Variants in ZNF626 observed in about 807,000 individuals in gnomAD.
ZNF626 encodes zinc finger protein 626, also known as CTC-513N18.7.
ZNF626 carries 4 observed loss-of-function variants against 11.7 expected under a neutral mutation model. That is an observed-to-expected ratio of 0.34 (90% CI 0.17 to 0.78). The LOEUF (loss-of-function observed/expected upper bound fraction) is 0.78. Among genes scored for constraint, ZNF626 ranks in the 30% least tolerant of loss-of-function variants. ZNF626 has a pLI of 0.57. For missense variants in ZNF626, 588 were observed against 587.1 expected (o/e 1.00, Z -0.01); for synonymous variants, 179 against 198.6 (o/e 0.90, Z 0.83).
In ZNF626 at chr19:20,624,297, A is replaced by T. The variant is rs1331631380; in HGVS notation, c.1580T>A (p.Ile527Lys). Reference sequence around the variant, plus strand: ...ATTTCTCTCCAGTATGAATTATCTTATGTGTAGTAAGGTGTGAGGACCGCT... The same window carrying T: ...ATTTCTCTCCAGTATGAATTATCTTTTGTGTAGTAAGGTGTGAGGACCGCT... ...PSSGPHTLLH[I>K]R The change falls in exon 4 of 4, where the codon ATA (isoleucine) becomes AAA (lysine). Residue 527 changes from isoleucine (I) to lysine (K), a missense_variant. This residue lies in a region of ZNF626 where 43 missense variants were observed against 38.0 expected (regional missense o/e 1.13). Coordinates refer to ENST00000601440, the MANE Select transcript of ZNF626 (RefSeq NM_001076675.3). The T allele has an allele frequency of 5.0e-6, 8 of 1,613,762 alleles. No homozygotes were observed. Among genetic ancestry groups the T allele is most frequent in the Middle Eastern group, 1.6e-4 (1 of 6,078 alleles).
At chr19:20,626,545 C>G (rs138618727) in intron 3 of ZNF626, among the ~76,000 whole-genome samples, 11 of 152,190 alleles carry the variant, frequency 7.2e-5, no homozygotes, top group African/African-American at 2.2e-4. Flanking sequence ...TGGTGAAACC[C>G]TGTATCTACT....
intron 1 of ZNF626, among the ~76,000 whole-genome samples, chr19:20,658,250 G>T (rs1970226447): frequency 6.6e-6 from 1 of 152,196 alleles, no homozygotes; most frequent in African/African-American, 2.4e-5. Context: ...ATAACCGGGA[G>T]GTCCAGAACC....
chr19:20,661,566 A>C lies in ZNF626; in HGVS notation c.-120T>G. On this transcript the variant is annotated 5_prime_UTR_variant, in exon 1 of 4. Transcript: ENST00000601440. ...CAGACCTGGAGCTCTGACTGCAGCG[A>C]GAGACAAAGGCCGCACCAAACCCGG... The C allele has an allele frequency of 8.3e-7, 1 of 1,204,372 alleles. No individual in the cohort carries two copies. The highest frequency in any genetic ancestry group is 1.2e-6 in the Non-Finnish European group (1 of 839,724). The allele number at this position is 1,204,372 out of a possible 1,614,324, so 74.6% of individuals were successfully genotyped here.
At chr19:20,656,370 T>C (rs947543189) in intron 1 of ZNF626, among the ~76,000 whole-genome samples, 1 of 152,022 alleles carries the variant, frequency 6.6e-6, no homozygotes, top group Non-Finnish European at 1.5e-5. Context: ...ATTCTAGATA[T>C]AGACACTGGC....
intron 1 of ZNF626, among the ~76,000 whole-genome samples, chr19:20,657,789 GAACA>G (rs111945400): frequency 0.073 from 11,047 of 151,646 alleles, 1,118 homozygotes; most frequent in African/African-American, 0.23. Context: ...TGGGCAACAA[GAACA>G]AAAATCCATC....
At chr19:20,660,243 TAAAAAAAAAA>T (rs35231346) in intron 1 of ZNF626, among the ~76,000 whole-genome samples, 3 of 104,888 alleles carry the variant, frequency 2.9e-5, no homozygotes, top group Admixed American at 1.1e-4. Flanking sequence ...ACACTGTGTC[TAAAAAAAAAA>T]AAAAAAAAAA....
At chr19:20,629,838 G>A (rs1379515615) in intron 3 of ZNF626, among the ~76,000 whole-genome samples, 6 of 152,092 alleles carry the variant, frequency 3.9e-5, no homozygotes, top group East Asian at 1.9e-4. Flanking sequence ...GGTGAGAGAG[G>A]GCATCCCTGT....
Position 20,625,178 on chromosome 19 carries a change from T to G in ZNF626, c.699A>C (p.Glu233Asp), listed in dbSNP as rs571920861. 3.7e-6 allele frequency: 6 copies of G among 1,613,256 alleles called. No individual in the cohort carries two copies. The highest frequency in any genetic ancestry group is 5.1e-6 in the Non-Finnish European group (6 of 1,179,912). ...AGGAGTGCTTAAAGGCTTTGCCACATTCTTCACATTTGTAGGGTTTCTCTC... is the reference window on the plus strand; with the variant it reads ...AGGAGTGCTTAAAGGCTTTGCCACAGTCTTCACATTTGTAGGGTTTCTCTC... ...HTGEKPYKCE[E>D]CGKAFKHSST... Residue 233 changes from glutamate to aspartate, a missense_variant, in exon 4 of 4, where the codon GAA becomes GAC. Around this residue, in one of 4 missense-constraint regions of ZNF626, gnomAD observed 524 missense variants for 470.1 expected, o/e 1.11. Coordinates refer to ENST00000601440, the MANE Select transcript of ZNF626 (RefSeq NM_001076675.3).
intron 3 of ZNF626, among the ~76,000 whole-genome samples, chr19:20,633,628 A>G (rs536005561): frequency 6.6e-6 from 1 of 152,278 alleles, no homozygotes; most frequent in East Asian, 1.9e-4. Context: ...CCGTTTTTTA[A>G]GCCCGTTGGA....
intron 3 of ZNF626, among the ~76,000 whole-genome samples, chr19:20,637,549 TA>T (rs1555771045): frequency 6.6e-6 from 1 of 151,704 alleles, no homozygotes; most frequent in Non-Finnish European, 1.5e-5. Flanking sequence ...TTAATATCAA[TA>T]AAAAACTGGA....
Position 20,624,249 on chromosome 19 carries a change from G to C in ZNF626, c.*41C>G. The C allele has an allele frequency of 6.2e-7, 1 of 1,612,754 alleles. No homozygotes were observed. Among genetic ancestry groups the C allele is most frequent in the Non-Finnish European group, 8.5e-7 (1 of 1,179,404 alleles). On this transcript the variant is annotated 3_prime_UTR_variant, in exon 4 of 4. Transcript: ENST00000601440. Reference sequence around the variant, plus strand: ...GGTTAGAGAAATGCTTAAAAGCTTTGTCACATTCTTCACATTTGTAGAATT... The same window carrying C: ...GGTTAGAGAAATGCTTAAAAGCTTTCTCACATTCTTCACATTTGTAGAATT...
intron 3 of ZNF626, among the ~76,000 whole-genome samples, chr19:20,627,072 A>C (rs1372664144): frequency 6.6e-6 from 1 of 152,158 alleles, no homozygotes; most frequent in Non-Finnish European, 1.5e-5. Context: ...GAAACAAACA[A>C]GTACTGAAGA....
intron 1 of ZNF626, among the ~76,000 whole-genome samples, chr19:20,660,448 C>A (rs1257979307): frequency 6.6e-6 from 1 of 151,306 alleles, no homozygotes; most frequent in African/African-American, 2.4e-5. Flanking sequence ...TTTTTTTGAG[C>A]CGGAGTCTCG....
chr19:20,660,207 A>G (rs1442590519), intron 1 of ZNF626, among the ~76,000 whole-genome samples: 2 of 148,282 alleles, frequency 1.3e-5, no homozygotes, highest in African/African-American at 5.1e-5. Flanking sequence ...TCACGCCATT[A>G]CATTCCAGCC....
chr19:20,646,508 A>G, intron 1 of ZNF626, 103 bp from the exon 2 acceptor site: 1 of 1,574,136 alleles, frequency 6.4e-7, no homozygotes. Flanking sequence ...GTTCTGACTT[A>G]TAGGACTGAC....
At chr19:20,628,907 T>C (rs1280455789) in intron 3 of ZNF626, among the ~76,000 whole-genome samples, 3 of 152,252 alleles carry the variant, frequency 2.0e-5, no homozygotes, top group Non-Finnish European at 2.9e-5. Context: ...AGGGTTTTTA[T>C]GGTTTTAGGT....
At chr19:20,640,276 TA>T (rs1970010224) in intron 3 of ZNF626, among the ~76,000 whole-genome samples, 1 of 148,740 alleles carries the variant, frequency 6.7e-6, no homozygotes, top group Admixed American at 6.7e-5. Flanking sequence ...ATTTAATTAT[TA>T]AAAATAGTTT....
At chr19:20,643,768 C>T (rs1555771671) in intron 3 of ZNF626, among the ~76,000 whole-genome samples, 1 of 152,138 alleles carries the variant, frequency 6.6e-6, no homozygotes, top group Non-Finnish European at 1.5e-5. Flanking sequence ...GAGAGAAATG[C>T]TTCAGGCCAG....
chr19:20,651,784 C>G (rs182359612), intron 1 of ZNF626, among the ~76,000 whole-genome samples: 12 of 152,286 alleles, frequency 7.9e-5, no homozygotes, highest in African/African-American at 2.9e-4. Flanking sequence ...AGCTACAGAA[C>G]CTGGATCACC....
Sources: gnomAD v4.1 joint callset for allele counts (sites outside exome capture counted in the v4.1 genomes callset) on GRCh38, gnomAD v4.1.1 for gene constraint, gnomAD v4.1.1 regional missense constraint, MANE v1.5 for transcripts, NCBI Gene and HGNC (gene_info 2026-07-23, HGNC 2026-07-21) for gene names.